The following OSBPL8 variants were observed in gnomAD, a reference collection of about 807,000 sequenced individuals.
The protein encoded by OSBPL8 is oxysterol-binding protein-related protein 8.
OSBPL8 carries 59 observed loss-of-function variants against 125.5 expected under a neutral mutation model. The observed-to-expected ratio is 0.47, with a 90% CI of 0.38 to 0.58. OSBPL8 has a LOEUF of 0.58. OSBPL8 is among the 20% of genes least tolerant of loss of function. The pLI, the probability that OSBPL8 is intolerant of heterozygous loss-of-function variation, is 0.00. For missense variants in OSBPL8, 758 were observed against 1,047.8 expected, an observed-to-expected ratio of 0.72 and a Z score of 3.82; for synonymous variants, 330 against 338.9, an observed-to-expected ratio of 0.97 and a Z score of 0.29.
intron 4 of OSBPL8, among the ~76,000 whole-genome samples, chr12:76,426,704 A>G (rs75196865): frequency 0.014 from 2,177 of 152,286 alleles, 59 homozygotes; most frequent in African/African-American, 0.049. Flanking sequence ...TGCATGAAAC[A>G]TTTCACAGTA....
rs1032034068 is a variant in OSBPL8 at position 76,353,228 on chromosome 12, G to C, written c.*2661C>G. ...TTTATAAGTGATATAAAACAAAAAA[G>C]TACTAACATGAAATACAAATAAAAT... On this transcript the variant is annotated 3_prime_UTR_variant, in exon 24 of 24. Transcript: ENST00000261183. The C allele has an allele frequency of 1.1e-4, 17 of 151,364 alleles. No homozygotes were observed. Among genetic ancestry groups the C allele is most frequent in the African/African-American group, 4.1e-4 (17 of 41,172 alleles). The allele number at this position is 151,364 out of a possible 1,614,324, so 9.4% of individuals were successfully genotyped here.
chr12:76,546,105 G>C (rs949127780), intron 1 of OSBPL8, among the ~76,000 whole-genome samples: 2 of 152,048 alleles, frequency 1.3e-5, no homozygotes, highest in Non-Finnish European at 2.9e-5. Context: ...TTCTATGCAC[G>C]GATTTTGTGT....
At chr12:76,381,326 A>C (rs1173336650) in intron 15 of OSBPL8, among the ~76,000 whole-genome samples, 1 of 152,094 alleles carries the variant, frequency 6.6e-6, no homozygotes, top group Non-Finnish European at 1.5e-5. Flanking sequence ...TTCTGCCTTA[A>C]ATCTTTAGAA....
At chr12:76,381,385 C>T (rs1200625938) in intron 15 of OSBPL8, among the ~76,000 whole-genome samples, 1 of 152,160 alleles carries the variant, frequency 6.6e-6, no homozygotes, top group Non-Finnish European at 1.5e-5. Context: ...AAATATTTTA[C>T]ATTACTAAAT....
chr12:76,554,181 C>T (rs1453489455), intron 1 of OSBPL8, among the ~76,000 whole-genome samples: 2 of 151,874 alleles, frequency 1.3e-5, no homozygotes, highest in East Asian at 1.9e-4. Flanking sequence ...TAAATATTTG[C>T]TTTACTCTAA....
chr12:76,424,013 T>G (rs1177986719), intron 4 of OSBPL8, among the ~76,000 whole-genome samples: 1 of 151,662 alleles, frequency 6.6e-6, no homozygotes, highest in Admixed American at 6.6e-5. Flanking sequence ...GTTTTTTGGG[T>G]TTTTTTTGAG....
At chr12:76,357,543 C>T (rs745341535) in intron 22 of OSBPL8, among the ~76,000 whole-genome samples, 6 of 152,174 alleles carry the variant, frequency 3.9e-5, no homozygotes, top group Non-Finnish European at 8.8e-5. Flanking sequence ...ATACTCTCTT[C>T]TAACACACTG....
At chr12:76,384,118 G>A (rs1953185017) in intron 15 of OSBPL8, 136 bp downstream of exon 15, 2 of 446,166 alleles carry the variant, frequency 4.5e-6, no homozygotes, top group East Asian at 6.5e-5. Context: ...GCAGAAAAAA[G>A]CCATTATTCA....
rs376104439 is a variant in OSBPL8 at position 76,485,070 on chromosome 12, G to C, written c.42+2440C>G. On this transcript the variant is annotated intron_variant, in intron 2 of 23. Transcript: ENST00000261183. ...TCGGTAGCTGGGATTACAGGTGCCTGCCACCACGTCCGGCTAATTTTTTTG... is the reference window on the plus strand; with the variant it reads ...TCGGTAGCTGGGATTACAGGTGCCTCCCACCACGTCCGGCTAATTTTTTTG... 6.6e-5 allele frequency among the ~76,000 whole-genome samples: 10 copies of C among 151,878 alleles called. No homozygotes were observed. The East Asian group carries it at 1.2e-3, about 18-fold the overall frequency.
intron 1 of OSBPL8, among the ~76,000 whole-genome samples, chr12:76,493,337 GT>G (rs1315215420): frequency 6.6e-6 from 1 of 152,116 alleles, no homozygotes; most frequent in Non-Finnish European, 1.5e-5. Context: ...TAATTTACAT[GT>G]TTTCATGTTA....
intron 1 of OSBPL8, among the ~76,000 whole-genome samples, chr12:76,496,444 C>T (rs897157005): frequency 6.6e-6 from 1 of 151,276 alleles, no homozygotes; most frequent in Non-Finnish European, 1.5e-5. Flanking sequence ...AATCACAGCT[C>T]ACTACAACCT....
intron 5 of OSBPL8, among the ~76,000 whole-genome samples, chr12:76,405,474 T>C (rs1433584690): frequency 6.6e-6 from 1 of 151,998 alleles, no homozygotes; most frequent in Non-Finnish European, 1.5e-5. Flanking sequence ...AAATCAAATT[T>C]GTTTCCCTAA....
intron 21 of OSBPL8, among the ~76,000 whole-genome samples, chr12:76,368,231 A>C (rs1952491863): frequency 6.6e-6 from 1 of 152,170 alleles, no homozygotes; most frequent in South Asian, 2.1e-4. Context: ...TAAATATGTC[A>C]TCTCATTGCC....
chr12:76,387,396 A>T (rs1953360005), intron 12 of OSBPL8, among the ~76,000 whole-genome samples: 1 of 152,176 alleles, frequency 6.6e-6, no homozygotes, highest in Non-Finnish European at 1.5e-5. Flanking sequence ...CTTGTGTGCT[A>T]TCAACTGATT....
In OSBPL8 at chr12:76,386,566, C is replaced by A; in HGVS notation, c.1434+13G>T. ...AACACTAAAGACAATAAAATGTAAA[C>A]AAACATTATTACCTTTGGCTTTTTA... On this transcript the variant is annotated intron_variant, in intron 13 of 23. Transcript: ENST00000261183. 1.3e-6 allele frequency: 2 copies of A among 1,559,996 alleles called. No homozygotes were observed. Among genetic ancestry groups the A allele is most frequent in the South Asian group, 1.2e-5 (1 of 83,752 alleles).
rs1323151826 is a variant in OSBPL8, at chr12:76,554,113, ACTCCGAAATT to A, written c.-68+5274_-68+5283del. On this transcript the variant is annotated intron_variant, in intron 1 of 23. Transcript: ENST00000261183. The stretch of plus-strand genomic sequence containing the variant: ...CTATTATGTTCTTTAATTTCCAGTT[ACTCCGAAATT>A]CTCTGAAATTCCCCAGTGAGAAAAT... Among the ~76,000 whole-genome samples, 4 of 152,002 alleles carry A rather than the reference ACTCCGAAATT, an allele frequency of 2.6e-5. No homozygotes were observed. In the East Asian group the frequency reaches 7.7e-4, roughly 29 times the overall value.
At chr12:76,480,956 C>A (rs926584998) in intron 2 of OSBPL8, among the ~76,000 whole-genome samples, 1 of 152,076 alleles carries the variant, frequency 6.6e-6, no homozygotes, top group Non-Finnish European at 1.5e-5. Flanking sequence ...TGTAACTGAG[C>A]TCAATGTAGT....
chr12:76,384,069 TG>T (rs1953181631), intron 15 of OSBPL8, among the ~76,000 whole-genome samples, 184 bp downstream of exon 15: 1 of 152,222 alleles, frequency 6.6e-6, no homozygotes, highest in African/African-American at 2.4e-5. Context: ...TTCACATATA[TG>T]TGATGAATAC....
chr12:76,385,826 A>G (rs995292904), intron 14 of OSBPL8, among the ~76,000 whole-genome samples: 1 of 152,078 alleles, frequency 6.6e-6, no homozygotes, highest in Non-Finnish European at 1.5e-5. Context: ...TGAATGCCAG[A>G]CAAATGAATG....
Sources: allele counts gnomAD v4.1 joint callset (sites outside exome capture counted in the v4.1 genomes callset), GRCh38; gene constraint gnomAD v4.1.1; transcripts MANE v1.5; gene names NCBI Gene and HGNC (gene_info 2026-07-23, HGNC 2026-07-21).